CNTNAP2: variants seen among roughly 807,000 people sequenced by gnomAD.
The protein encoded by CNTNAP2 is contactin-associated protein-like 2.
A neutral mutation model predicts 155.2 loss-of-function variants in CNTNAP2; 98 were observed. That is an observed-to-expected ratio of 0.63 (90% confidence interval 0.54 to 0.75). The LOEUF is 0.75. Ranked by LOEUF, CNTNAP2 falls within the 30% of genes least tolerant of loss-of-function variation. The pLI is 0.00. For synonymous variants in CNTNAP2, 651 were observed against 631.2 expected (o/e 1.03, Z -0.47); for missense variants, 1,727 against 1,688.1 (o/e 1.02, Z -0.40).
intron 14 of CNTNAP2, among the ~76,000 whole-genome samples, chr7:147,967,601 C>G (rs1365328749): frequency 3.9e-5 from 6 of 152,176 alleles, no homozygotes; most frequent in Non-Finnish European, 8.8e-5. Flanking sequence ...TATTCCTAGT[C>G]TATTACCTCT....
At chr7:148,209,288 T>C (rs529867988) in intron 18 of CNTNAP2, among the ~76,000 whole-genome samples, 2 of 141,038 alleles carry the variant, frequency 1.4e-5, no homozygotes, top group South Asian at 4.6e-4. Flanking sequence ...GCTATTTTTT[T>C]CTTTTCTTCC....
chr7:146,484,843 C>T (rs1406347271), intron 1 of CNTNAP2, among the ~76,000 whole-genome samples: 1 of 152,104 alleles, frequency 6.6e-6, no homozygotes, highest in Non-Finnish European at 1.5e-5. Context: ...GTCTTTCCTC[C>T]AACCCTTACA....
intron 1 of CNTNAP2, among the ~76,000 whole-genome samples, chr7:146,432,057 C>T (rs1347549201): frequency 1.3e-5 from 2 of 151,992 alleles, no homozygotes; most frequent in African/African-American, 2.4e-5. Flanking sequence ...AAATCCTGTC[C>T]AATGCCCTGT....
chr7:147,797,884 A>T (rs1341124841), intron 13 of CNTNAP2, among the ~76,000 whole-genome samples: 1 of 152,224 alleles, frequency 6.6e-6, no homozygotes, highest in Non-Finnish European at 1.5e-5. Context: ...ATTTCAACAT[A>T]AACTGAAGAA....
At chr7:147,621,461 T>C (rs1418293184) in intron 12 of CNTNAP2, among the ~76,000 whole-genome samples, 1 of 151,810 alleles carries the variant, frequency 6.6e-6, no homozygotes, top group African/African-American at 2.4e-5. Flanking sequence ...AAGATATAAA[T>C]AGAAACAACA....
intron 18 of CNTNAP2, among the ~76,000 whole-genome samples, chr7:148,191,707 A>G (rs561653137): frequency 1.2e-4 from 18 of 151,934 alleles, no homozygotes; most frequent in Non-Finnish European, 1.2e-4. Flanking sequence ...GACTAAACCC[A>G]TTCACAGGGG....
chr7:147,984,409 G>A (rs1205507835), intron 15 of CNTNAP2, among the ~76,000 whole-genome samples: 2 of 152,196 alleles, frequency 1.3e-5, no homozygotes, highest in Non-Finnish European at 2.9e-5. Context: ...TGACTCCAGT[G>A]TACTGATGAG....
chr7:147,106,317 C>A (rs10226027), intron 4 of CNTNAP2, among the ~76,000 whole-genome samples: 4,456 of 152,100 alleles, frequency 0.029, 180 homozygotes, highest in South Asian at 0.087. Flanking sequence ...CTGGATTATA[C>A]GTTCTCCTTT....
At chr7:147,692,965 A>T (rs1175598740) in intron 13 of CNTNAP2, among the ~76,000 whole-genome samples, 1 of 152,002 alleles carries the variant, frequency 6.6e-6, no homozygotes, top group African/African-American at 2.4e-5. Flanking sequence ...GGAGTTTTAT[A>T]GTTTAGCATT....
chr7:146,697,985 G>A (rs1037251622), intron 1 of CNTNAP2, among the ~76,000 whole-genome samples: 2 of 151,688 alleles, frequency 1.3e-5, no homozygotes, highest in South Asian at 2.1e-4. Flanking sequence ...TTACCTTAGC[G>A]TTTGCAATAT....
At chr7:147,446,934 T>C (rs1797749007) in intron 10 of CNTNAP2, among the ~76,000 whole-genome samples, 1 of 152,200 alleles carries the variant, frequency 6.6e-6, no homozygotes, top group Non-Finnish European at 1.5e-5. Context: ...GGATGGTTTA[T>C]GGATGAAGAG....
chr7:146,992,847 C>T (rs549555028), intron 3 of CNTNAP2, among the ~76,000 whole-genome samples: 16 of 152,214 alleles, frequency 1.1e-4, no homozygotes, highest in Admixed American at 5.9e-4. Flanking sequence ...TATTTTAAAA[C>T]AAATTAATGC....
At chr7:148,005,287 C>T (rs1412825869) in intron 15 of CNTNAP2, among the ~76,000 whole-genome samples, 3 of 152,110 alleles carry the variant, frequency 2.0e-5, no homozygotes, top group Non-Finnish European at 4.4e-5. Context: ...GCATTAATCC[C>T]ACTCATGAGG....
At chr7:148,370,274 A>T (rs1422882149) in intron 21 of CNTNAP2, among the ~76,000 whole-genome samples, 1 of 152,102 alleles carries the variant, frequency 6.6e-6, no homozygotes, top group Non-Finnish European at 1.5e-5. Flanking sequence ...CTCTGGTTCT[A>T]TCCATCTTTG....
chr7:146,593,372 G>C (rs1366305486), intron 1 of CNTNAP2, among the ~76,000 whole-genome samples: 1 of 152,026 alleles, frequency 6.6e-6, no homozygotes, highest in Non-Finnish European at 1.5e-5. Flanking sequence ...TCCCACTAAG[G>C]GGATGGAGAA....
chr7:146,775,819 A>G (rs1223718204), intron 2 of CNTNAP2, among the ~76,000 whole-genome samples: 2 of 152,148 alleles, frequency 1.3e-5, no homozygotes, highest in East Asian at 1.9e-4. Flanking sequence ...TCACAGATCT[A>G]TGAAGAGGTC....
intron 11 of CNTNAP2, among the ~76,000 whole-genome samples, chr7:147,515,952 T>C (rs1387951140): frequency 1.3e-5 from 2 of 151,508 alleles, no homozygotes; most frequent in East Asian, 1.9e-4. Context: ...TATGATATAC[T>C]GATACTGAAA....
chr7:147,430,377 T>C (rs1369877961), intron 10 of CNTNAP2, among the ~76,000 whole-genome samples: 6 of 152,216 alleles, frequency 3.9e-5, no homozygotes, highest in African/African-American at 1.4e-4. Flanking sequence ...CTGGTTTTTC[T>C]AACCATCTCA....
chr7:147,107,021 G>A (rs1800779220), intron 4 of CNTNAP2, among the ~76,000 whole-genome samples: 1 of 152,142 alleles, frequency 6.6e-6, no homozygotes, highest in African/African-American at 2.4e-5. Context: ...AAACCTAGAG[G>A]CTAGCTTTGT....
Sources: gnomAD v4.1 joint callset for allele counts (sites outside exome capture counted in the v4.1 genomes callset) on GRCh38, gnomAD v4.1.1 for gene constraint, MANE v1.5 for transcripts, NCBI Gene and HGNC (gene_info 2026-07-23, HGNC 2026-07-21) for gene names.